HECW2: variants seen among roughly 807,000 people sequenced by gnomAD.
HECW2 encodes the protein HECT, C2 and WW domain containing E3 ubiquitin protein ligase 2.
HECW2 carries 61 observed loss-of-function variants against 175.2 expected under a neutral mutation model. That is an observed-to-expected ratio of 0.35 (90% CI 0.28 to 0.43). HECW2 has a LOEUF of 0.43. Ranked by LOEUF, HECW2 falls within the 20% of genes least tolerant of loss-of-function variation. HECW2 has a pLI of 1.00. For missense variants in HECW2, 1,524 were observed against 2,000.5 expected (o/e 0.76, Z 4.54); for synonymous variants, 671 against 731.0 (o/e 0.92, Z 1.32).
chr2:196,486,445 C>G (rs974979957), intron 1 of HECW2, among the ~76,000 whole-genome samples: 4 of 152,124 alleles, frequency 2.6e-5, no homozygotes, highest in Admixed American at 6.5e-5. Context: ...AGATGCAACC[C>G]CCCTGGGCTC....
chr2:196,304,664 G>T (rs1691193826), intron 13 of HECW2, among the ~76,000 whole-genome samples: 1 of 152,164 alleles, frequency 6.6e-6, no homozygotes, highest in Non-Finnish European at 1.5e-5. Flanking sequence ...ATTAAAGCAT[G>T]ATTTTTTTCT....
At chr2:196,263,031 T>TC (rs1689367159) in intron 17 of HECW2, 1 of 151,864 alleles carries the variant, frequency 6.6e-6, no homozygotes. Context: ...TCTTTTTTTT[T>TC]TCTTTTTTTC....
At chr2:196,241,821 A>C (rs1688468288) in intron 20 of HECW2, among the ~76,000 whole-genome samples, 1 of 152,224 alleles carries the variant, frequency 6.6e-6, no homozygotes, top group Non-Finnish European at 1.5e-5. Flanking sequence ...CAGAGGAAAA[A>C]AATAAATCAG....
intron 19 of HECW2, among the ~76,000 whole-genome samples, chr2:196,247,051 A>G (rs1358338352): frequency 1.3e-5 from 2 of 152,110 alleles, no homozygotes; most frequent in African/African-American, 4.8e-5. Context: ...TCATGAGGTC[A>G]GGAGATCGAG....
At chr2:196,550,928 C>G (rs1321411161) in intron 1 of HECW2, among the ~76,000 whole-genome samples, 2 of 152,078 alleles carry the variant, frequency 1.3e-5, no homozygotes, top group Non-Finnish European at 2.9e-5. Context: ...TAGTTACAAC[C>G]AAGAAAATTA....
At chr2:196,386,611 T>C (rs577104333) in intron 2 of HECW2, among the ~76,000 whole-genome samples, 6 of 152,346 alleles carry the variant, frequency 3.9e-5, no homozygotes, top group African/African-American at 1.2e-4. Context: ...AAAAATATCC[T>C]TGGCCTTCTT....
At chr2:196,309,257 G>A (rs1385264270) in intron 10 of HECW2, among the ~76,000 whole-genome samples, 3 of 152,216 alleles carry the variant, frequency 2.0e-5, no homozygotes, top group Non-Finnish European at 4.4e-5. Context: ...TCAGCTAGGA[G>A]CAGAAAGACA....
At position 196,318,582 on chromosome 2, in the gene HECW2, C is replaced by A. The variant is rs373289055; in HGVS notation, c.2308G>T (p.Ala770Ser). The change falls in exon 9 of 29, where the codon GCA (alanine) becomes TCA (serine). Residue 770 changes from alanine to serine, a missense_variant. Physicochemically the swap from Ala to Ser is moderately conservative, Grantham distance 99 (BLOSUM62 1). Transcript: ENST00000644978. ...GTAGCGCCCTCCTCCTGGGCAGTTG[C>A]CCCTTCACAGGTGCCTTGGGCCTCC... ...AGEAQGTCEGATAQEEGATGG... is the reference protein window; with the variant it reads ...AGEAQGTCEGSTAQEEGATGG... The A allele has an allele frequency of 7.2e-6, 11 of 1,531,480 alleles. No individual in the cohort carries two copies. The South Asian group carries it at 1.3e-4, about 18-fold the overall frequency. 94.9% of individuals were successfully genotyped at this position (1,531,480 alleles called of 1,614,324 possible).
chr2:196,273,258 G>A (rs13032926), intron 16 of HECW2, among the ~76,000 whole-genome samples: 41,216 of 151,752 alleles, frequency 0.27, 5,971 homozygotes, highest in African/African-American at 0.38. Flanking sequence ...TAGTAGAGAC[G>A]GGGTTTCACC....
intron 28 of HECW2, among the ~76,000 whole-genome samples, chr2:196,213,099 C>A (rs1206666657): frequency 1.3e-5 from 2 of 152,156 alleles, no homozygotes; most frequent in African/African-American, 4.8e-5. Flanking sequence ...TTTTTTTACA[C>A]CTAAGTAATG....
At chr2:196,555,576 T>C (rs1689765422) in intron 1 of HECW2, among the ~76,000 whole-genome samples, 1 of 152,158 alleles carries the variant, frequency 6.6e-6, no homozygotes, top group Non-Finnish European at 1.5e-5. Context: ...TTTTACTTTA[T>C]GATAAGAGTA....
chr2:196,564,041 A>G, intron 1 of HECW2, among the ~76,000 whole-genome samples: 1 of 152,192 alleles, frequency 6.6e-6, no homozygotes, highest in East Asian at 1.9e-4. Context: ...AGTAGTTAAC[A>G]CTTAACCAAA....
chr2:196,339,475 A>C (rs1232233101), intron 3 of HECW2, among the ~76,000 whole-genome samples: 2 of 152,238 alleles, frequency 1.3e-5, no homozygotes, highest in African/African-American at 2.4e-5. Flanking sequence ...AATTCAGTAC[A>C]TAGCAATGTA....
rs546823012 is a variant in HECW2, at chr2:196,288,745, T to C, written c.3000+3820A>G. On this transcript the variant is annotated intron_variant, in intron 14 of 28. Coordinates refer to ENST00000644978, the MANE Select transcript of HECW2 (RefSeq NM_001348768.2). ...TTCAGTAAATTATGAATGATAATAA[T>C]ACCTACCTTATAAATTATCAGGAGG... is the stretch of plus-strand genomic sequence containing the variant. 2.0e-5 allele frequency: 3 copies of C among 152,362 alleles called. No individual in the cohort carries two copies. The South Asian group carries it at 6.2e-4, about 32-fold the overall frequency. The allele number at this position is 152,362 out of a possible 1,614,324, so 9.4% of individuals were successfully genotyped here.
At chr2:196,282,128 A>G (rs1004648505) in intron 14 of HECW2, among the ~76,000 whole-genome samples, 14 of 152,210 alleles carry the variant, frequency 9.2e-5, no homozygotes, top group African/African-American at 3.4e-4. Flanking sequence ...AAAAAGGAGG[A>G]CCAGTGAAAA....
At chr2:196,405,977 CT>C (rs1411375808) in intron 2 of HECW2, among the ~76,000 whole-genome samples, 2 of 152,164 alleles carry the variant, frequency 1.3e-5, no homozygotes, top group East Asian at 3.9e-4. Context: ...CCCCTACTTT[CT>C]TCTAGTAGCT....
chr2:196,441,367 AACACACAC>A lies in HECW2; in HGVS notation c.-35-7917_-35-7910del, dbSNP rs1273749608. Reference sequence around the variant, plus strand: ...TCAAATTCCAAAAGACACAACATACAACACACACACACAAACACACACACACACACTTG... The same window carrying A: ...TCAAATTCCAAAAGACACAACATACAACACAAACACACACACACACACTTG... On this transcript the variant is annotated intron_variant, in intron 1 of 28. Transcript: ENST00000644978. Among the ~76,000 whole-genome samples, 9 of 40,542 alleles carry A rather than the reference AACACACAC, an allele frequency of 2.2e-4. No homozygotes were observed. The East Asian group carries it at 4.6e-3, about 21-fold the overall frequency. The allele number at this position is 40,542 out of a possible 152,430, so 26.6% of individuals were successfully genotyped here.
intron 2 of HECW2, among the ~76,000 whole-genome samples, chr2:196,411,974 C>T (rs1457103743): frequency 1.3e-5 from 2 of 152,190 alleles, no homozygotes; most frequent in Admixed American, 6.5e-5. Context: ...TGCACCAGTG[C>T]ACTGCAGCCT....
intron 1 of HECW2, among the ~76,000 whole-genome samples, chr2:196,564,999 G>A (rs1392269003): frequency 1.4e-5 from 2 of 147,746 alleles, no homozygotes; most frequent in African/African-American, 5.0e-5. Context: ...TTTCTTCACA[G>A]AGATAGTTAA....
Sources: allele counts gnomAD v4.1 joint callset (sites outside exome capture counted in the v4.1 genomes callset), GRCh38; gene constraint gnomAD v4.1.1; transcripts MANE v1.5; gene names NCBI Gene and HGNC (gene_info 2026-07-23, HGNC 2026-07-21).